RXRG: variants seen among roughly 807,000 people sequenced by gnomAD.
RXRG encodes the protein retinoic acid receptor RXR-gamma.
A neutral mutation model predicts 49.2 loss-of-function variants in RXRG; 19 were observed. That is an observed-to-expected ratio of 0.39 (90% CI 0.27 to 0.57). RXRG has a LOEUF of 0.57. Ranked by LOEUF, RXRG falls within the 20% of genes least tolerant of loss-of-function variation. The pLI, the probability that RXRG is intolerant of heterozygous loss-of-function variation, is 0.64. For missense variants in RXRG, 452 were observed against 592.5 expected (o/e 0.76, Z 2.46); for synonymous variants, 224 against 216.6 (o/e 1.03, Z -0.30).
At chr1:165,421,363 A>G (rs1571277184) in intron 2 of RXRG, among the ~76,000 whole-genome samples, 1 of 152,078 alleles carries the variant, frequency 6.6e-6, no homozygotes, top group East Asian at 1.9e-4. Context: ...CTTTTTTTAT[A>G]CAAGGCTATG....
chr1:165,434,761 G>T (rs1023644056), intron 1 of RXRG, among the ~76,000 whole-genome samples: 1 of 152,200 alleles, frequency 6.6e-6, no homozygotes, highest in African/African-American at 2.4e-5. Flanking sequence ...GAGGGATATG[G>T]TGTGAAGGCC....
chr1:165,409,725 A>T, intron 6 of RXRG, 35 bp from the exon 7 acceptor site: 1 of 1,432,212 alleles, frequency 7.0e-7, no homozygotes, highest in South Asian at 1.7e-5. Flanking sequence ...GAGGGAAAAC[A>T]GAACACATTC....
chr1:165,408,088 A>C, intron 8 of RXRG, 139 bp downstream of exon 8: 1 of 696,110 alleles, frequency 1.4e-6, no homozygotes, highest in Non-Finnish European at 2.6e-6. Flanking sequence ...GCTCTAGCTG[A>C]CACTGTGAGC....
intron 9 of RXRG, among the ~76,000 whole-genome samples, 177 bp from the exon 10 acceptor site, chr1:165,401,587 G>A (rs1657568382): frequency 6.6e-6 from 1 of 152,250 alleles, no homozygotes; most frequent in Non-Finnish European, 1.5e-5. Flanking sequence ...ACAGGCTGGA[G>A]GGCTTGTCAG....
At position 165,419,181 on chromosome 1, in the gene RXRG, G is replaced by T. The variant is rs562686359; in HGVS notation, c.442+689C>A. 7.0e-4 allele frequency among the ~76,000 whole-genome samples: 106 copies of T among 152,178 alleles called. 1 individual carries two copies. Among genetic ancestry groups the T allele is most frequent in the Admixed American group, 1.4e-3 (22 of 15,270 alleles). On this transcript the variant is annotated intron_variant, in intron 3 of 9. Transcript: ENST00000359842. ...AAAAGGAGAAGAGAATCAAAGATAAGTTGGTGAAAACACATTTATTTCTGC... is the reference window on the plus strand; with the variant it reads ...AAAAGGAGAAGAGAATCAAAGATAATTTGGTGAAAACACATTTATTTCTGC...
intron 4 of RXRG, among the ~76,000 whole-genome samples, chr1:165,416,019 A>G (rs1032870069): frequency 8.5e-5 from 13 of 152,218 alleles, no homozygotes; most frequent in African/African-American, 3.1e-4. Context: ...GCATCTTGAC[A>G]TGTTAAGATT....
chr1:165,428,615 A>T, intron 2 of RXRG, 104 bp downstream of exon 2: 1 of 1,350,716 alleles, frequency 7.4e-7, no homozygotes, highest in South Asian at 1.4e-5. Flanking sequence ...ACCCTTTGGC[A>T]AGCACGCATT....
chr1:165,419,747 G>C lies in RXRG; in HGVS notation c.442+123C>G, dbSNP rs902285851. 8 of 719,616 alleles carry C rather than the reference G, an allele frequency of 1.1e-5. No individual in the cohort carries two copies. The African/African-American group carries it at 1.4e-4, about 13-fold the overall frequency. 44.6% of individuals were successfully genotyped at this position (719,616 alleles called of 1,614,324 possible). On this transcript the variant is annotated intron_variant, in intron 3 of 9. Transcript: ENST00000359842. ...AACCCAGTGACATAAACGTATAGGT[G>C]GGTCCCCAGTTAGCCCATCCTAAAG...
chr1:165,424,944 G>A (rs982229504), intron 2 of RXRG: 13 of 985,360 alleles, frequency 1.3e-5, no homozygotes, highest in Admixed American at 6.2e-5. Flanking sequence ...GTGTGGTTCC[G>A]GAGCCCAAGC....
intron 2 of RXRG, among the ~76,000 whole-genome samples, chr1:165,428,357 A>G (rs1571282463): frequency 6.6e-6 from 1 of 152,358 alleles, no homozygotes; most frequent in East Asian, 1.9e-4. Flanking sequence ...ATTGCCTTTA[A>G]CAAGAGCACG....
chr1:165,438,247 T>C (rs1658874740), intron 1 of RXRG, among the ~76,000 whole-genome samples: 1 of 152,214 alleles, frequency 6.6e-6, no homozygotes, highest in Admixed American at 6.5e-5. Flanking sequence ...CCAGAACTTT[T>C]TGAATGCCAA....
At chr1:165,420,314 A>C (rs1658269465) in intron 2 of RXRG, among the ~76,000 whole-genome samples, 1 of 152,220 alleles carries the variant, frequency 6.6e-6, no homozygotes, top group South Asian at 2.1e-4. Flanking sequence ...CTAGAAATCC[A>C]TGCCAAATTA....
intron 2 of RXRG, among the ~76,000 whole-genome samples, chr1:165,425,909 A>C (rs1246092326): frequency 2.6e-5 from 4 of 152,218 alleles, no homozygotes; most frequent in African/African-American, 4.8e-5. Flanking sequence ...GGCTGCCAAC[A>C]GGAAGATCTT....
chr1:165,424,506 G>A (rs1658420029), intron 2 of RXRG, among the ~76,000 whole-genome samples: 1 of 152,186 alleles, frequency 6.6e-6, no homozygotes, highest in African/African-American at 2.4e-5. Context: ...GCAAGTATTT[G>A]TAACCCCACG....
At chr1:165,429,927 T>C (rs1267279163) in intron 1 of RXRG, among the ~76,000 whole-genome samples, 1 of 152,024 alleles carries the variant, frequency 6.6e-6, no homozygotes, top group Non-Finnish European at 1.5e-5. Flanking sequence ...GAACATTCTC[T>C]CCAGAAGAGA....
intron 2 of RXRG, chr1:165,424,821 G>A (rs1658431020): frequency 1.0e-6 from 1 of 985,482 alleles, no homozygotes; most frequent in Non-Finnish European, 1.2e-6. Context: ...GGGTGAGGAA[G>A]GCAGGATGCA....
chr1:165,406,959 C>T (rs1181148144), intron 8 of RXRG, 42 bp from the exon 9 acceptor site: 3 of 1,383,598 alleles, frequency 2.2e-6, no homozygotes, highest in African/African-American at 1.4e-5. Flanking sequence ...ACACACCCTC[C>T]AGCAGAGGCT....
At chr1:165,442,773 C>G (rs1372012891) in intron 1 of RXRG, among the ~76,000 whole-genome samples, 5 of 152,132 alleles carry the variant, frequency 3.3e-5, no homozygotes, top group Non-Finnish European at 5.9e-5. Flanking sequence ...ATTTAATTTT[C>G]ACAATACTCT....
intron 1 of RXRG, among the ~76,000 whole-genome samples, chr1:165,438,752 A>T (rs577231554): frequency 6.6e-6 from 1 of 152,350 alleles, no homozygotes; most frequent in South Asian, 2.1e-4. Context: ...TTCTAAACAA[A>T]AACAACCAAC....
Sources: gnomAD v4.1 joint callset for allele counts (sites outside exome capture counted in the v4.1 genomes callset) on GRCh38, gnomAD v4.1.1 for gene constraint, MANE v1.5 for transcripts, NCBI Gene and HGNC (gene_info 2026-07-23, HGNC 2026-07-21) for gene names.